The following FUT8 variants were observed in gnomAD, a reference collection of about 807,000 sequenced individuals.
The protein encoded by FUT8 is alpha-(1,6)-fucosyltransferase.
FUT8 carries 29 observed loss-of-function variants against 71.3 expected under a neutral mutation model. The observed-to-expected ratio is 0.41, with a 90% confidence interval of 0.30 to 0.55. The LOEUF (loss-of-function observed/expected upper bound fraction) is 0.55, where lower values mean the gene tolerates loss of function less well. FUT8 is among the 20% of genes least tolerant of loss of function. The pLI is 0.34. For synonymous variants in FUT8, 254 were observed against 239.3 expected (o/e 1.06, Z -0.57); for missense variants, 544 against 702.1 (o/e 0.77, Z 2.55).
chr14:65,705,344 A>G (rs1371197289), intron 7 of FUT8, among the ~76,000 whole-genome samples: 2 of 152,228 alleles, frequency 1.3e-5, no homozygotes, highest in African/African-American at 4.8e-5. Context: ...CTGTCATTAA[A>G]TGAGGATATA....
chr14:65,724,965 A>T (rs760367971), intron 9 of FUT8, among the ~76,000 whole-genome samples: 1 of 152,106 alleles, frequency 6.6e-6, no homozygotes, highest in Non-Finnish European at 1.5e-5. Flanking sequence ...GGGATTCAAC[A>T]TAGGAATTTG....
Position 65,733,354 on chromosome 14 carries a change from C to T in FUT8, c.1383C>T (p.Asp461=). The change falls in exon 10 of 11, where the codon GAC becomes GAT. Residue 461 remains aspartate, a synonymous_variant. Transcript: ENST00000673929. Reference sequence around the variant, plus strand: ...ATATACATTTTCTCTCTCAGGCAGACTTCCTAGTGTGTACTTTTTCATCCC... The same window carrying T: ...ATATACATTTTCTCTCTCAGGCAGATTTCCTAGTGTGTACTTTTTCATCCC... ...ILDIHFLSQA[D]FLVCTFSSQV... 1 of 1,595,454 alleles carries T rather than the reference C, an allele frequency of 6.3e-7. No individual in the cohort carries two copies. Among genetic ancestry groups the T allele is most frequent in the African/African-American group, 1.3e-5 (1 of 74,218 alleles).
chr14:65,450,869 T>A (rs2065811547), intron 1 of FUT8, among the ~76,000 whole-genome samples: 1 of 138,550 alleles, frequency 7.2e-6, no homozygotes, highest in South Asian at 2.2e-4. Context: ...TTCCACCCTA[T>A]TTTTTTTTTT....
the FUT8 span, among the ~76,000 whole-genome samples, chr14:65,374,605 T>TG: frequency 6.6e-6 from 1 of 151,722 alleles, no homozygotes; most frequent in African/African-American, 2.4e-5. Flanking sequence ...TTTTTTGTTT[T>TG]TTTTTTTTTG....
chr14:65,366,842 C>A, the FUT8 span, among the ~76,000 whole-genome samples: 2 of 152,106 alleles, frequency 1.3e-5, no homozygotes, highest in Non-Finnish European at 2.9e-5. Context: ...GGAGAAGTGG[C>A]AAATTGGCCC....
intron 2 of FUT8, among the ~76,000 whole-genome samples, chr14:65,477,043 C>T (rs1309450593): frequency 6.6e-6 from 1 of 152,026 alleles, no homozygotes; most frequent in Non-Finnish European, 1.5e-5. Flanking sequence ...TAAATATAAG[C>T]TTTTTTGGCA....
the FUT8 span, among the ~76,000 whole-genome samples, chr14:65,394,827 C>G: frequency 6.7e-6 from 1 of 149,468 alleles, no homozygotes; most frequent in African/African-American, 2.5e-5. Context: ...CTCACCACAA[C>G]CTCTGCCTCC....
intron 10 of FUT8, among the ~76,000 whole-genome samples, chr14:65,736,065 A>G (rs1423345926): frequency 6.6e-6 from 1 of 152,116 alleles, no homozygotes; most frequent in Non-Finnish European, 1.5e-5. Flanking sequence ...GGATATCTGT[A>G]TTTGCATCCA....
intron 2 of FUT8, chr14:65,529,281 G>A (rs1415574302): frequency 6.6e-6 from 1 of 151,790 alleles, no homozygotes; most frequent in East Asian, 1.9e-4. Flanking sequence ...GCCCAGGCTG[G>A]AGTGCAGTGG....
chr14:65,537,362 C>T (rs562008238), intron 2 of FUT8, among the ~76,000 whole-genome samples: 1 of 151,466 alleles, frequency 6.6e-6, no homozygotes, highest in Non-Finnish European at 1.5e-5. Flanking sequence ...ATTATTATTA[C>T]TATTATTACT....
intron 7 of FUT8, among the ~76,000 whole-genome samples, chr14:65,707,567 C>T (rs907274570): frequency 6.6e-6 from 1 of 152,040 alleles, no homozygotes; most frequent in Non-Finnish European, 1.5e-5. Context: ...AATTGTTGCC[C>T]ACACCACTGT....
chr14:65,571,797 G>A (rs117645213), intron 3 of FUT8, among the ~76,000 whole-genome samples: 1,822 of 152,038 alleles, frequency 0.012, 15 homozygotes, highest in Middle Eastern at 0.024. Flanking sequence ...CCAAGGAAGG[G>A]GTTTTCAGGC....
intron 7 of FUT8, among the ~76,000 whole-genome samples, chr14:65,695,157 G>A (rs778297228): frequency 6.6e-6 from 1 of 152,152 alleles, no homozygotes. Flanking sequence ...GCTAGATGAA[G>A]TATTCTATAA....
chr14:65,664,793 A>G (rs541721840), intron 6 of FUT8, among the ~76,000 whole-genome samples: 2 of 152,224 alleles, frequency 1.3e-5, no homozygotes, highest in East Asian at 1.9e-4. Flanking sequence ...AACTGGTTAC[A>G]TTGCCTCTTG....
intron 2 of FUT8, among the ~76,000 whole-genome samples, chr14:65,547,915 T>A (rs1443783491): frequency 6.6e-6 from 1 of 151,956 alleles, no homozygotes; most frequent in Non-Finnish European, 1.5e-5. Context: ...AGTTTTTCCA[T>A]GGTGTCCCTG....
At position 65,550,018 on chromosome 14, in the gene FUT8, G is replaced by T. The variant is rs577165079; in HGVS notation, c.-227-11319G>T. ...GGAGGTTGCAGTGAGCCGAGATCTC[G>T]CCACTGCACTCCAGCCTGGGTGACA... On this transcript the variant is annotated intron_variant, in intron 2 of 10. Transcript: ENST00000673929. The surrounding 1 kb of genome is among the most constrained non-coding windows in gnomAD (Gnocchi z 4.5). Among the ~76,000 whole-genome samples the T allele has an allele frequency of 6.6e-6, 1 of 152,000 alleles. No individual in the cohort carries two copies. The highest frequency in any genetic ancestry group is 1.5e-5 in the Non-Finnish European group (1 of 67,998).
intron 2 of FUT8, chr14:65,468,389 A>ATT (rs139616800): frequency 0.019 from 6,038 of 313,520 alleles, 97 homozygotes; most frequent in African/African-American, 0.071. Context: ...GAAAGGTTGG[A>ATT]TTTTTTTTTT....
At chr14:65,395,000 C>T in the FUT8 span, among the ~76,000 whole-genome samples, 5 of 152,278 alleles carry the variant, frequency 3.3e-5, no homozygotes, top group South Asian at 1.0e-3. Context: ...CCTCAGCCTC[C>T]CAGAGTGCTG....
upstream of FUT8, among the ~76,000 whole-genome samples, chr14:65,409,100 G>A (rs776040353): frequency 1.3e-4 from 20 of 152,140 alleles, no homozygotes; most frequent in Non-Finnish European, 2.2e-4. The surrounding 1 kb of genome is among the most constrained non-coding windows in gnomAD (Gnocchi z 5.4). Flanking sequence ...TTTTACAAAT[G>A]AGAAAACTGA....
Sources: allele counts gnomAD v4.1 joint callset (sites outside exome capture counted in the v4.1 genomes callset), GRCh38; gene constraint gnomAD v4.1.1; non-coding constraint Gnocchi (gnomAD v3.1); transcripts MANE v1.5; gene names NCBI Gene and HGNC (gene_info 2026-07-23, HGNC 2026-07-21).